Variants in ATP2B1 observed in about 807,000 individuals in gnomAD.
ATP2B1 encodes plasma membrane calcium-transporting ATPase 1.
ATP2B1 carries 14 observed loss-of-function variants against 124.2 expected under a neutral mutation model. The observed-to-expected ratio is 0.11, with a 90% CI of 0.07 to 0.18. The LOEUF (loss-of-function observed/expected upper bound fraction) is 0.18. ATP2B1 is among the 10% of genes least tolerant of loss of function. The probability of loss-of-function intolerance (pLI) is 1.00; values close to 1 mark genes in which losing one functional copy is unlikely to be tolerated. For synonymous variants in ATP2B1, 449 were observed against 492.4 expected, an observed-to-expected ratio of 0.91 and a Z score of 1.17; for missense variants, 763 against 1,466.1, an observed-to-expected ratio of 0.52 and a Z score of 7.83.
intron 1 of ATP2B1, among the ~76,000 whole-genome samples, chr12:89,663,895 T>C (rs985433446): frequency 6.6e-6 from 1 of 152,220 alleles, no homozygotes; most frequent in African/African-American, 2.4e-5. Flanking sequence ...TGTCCTTTTT[T>C]TCGAAGAAGT....
intron 1 of ATP2B1, among the ~76,000 whole-genome samples, chr12:89,692,039 T>C (rs1890611890): frequency 6.6e-6 from 1 of 151,998 alleles, no homozygotes; most frequent in East Asian, 1.9e-4. Context: ...AGGACAAAAA[T>C]AAAAATTAAA....
rs570325226 is a variant in ATP2B1 at position 89,592,201 on chromosome 12, C to T, written c.3352-906G>A. 1.4e-4 allele frequency among the ~76,000 whole-genome samples: 22 copies of T among 152,108 alleles called. No individual in the cohort carries two copies. In the South Asian group the frequency reaches 4.6e-3, roughly 32 times the overall value. On this transcript the variant is annotated intron_variant, in intron 20 of 20. Coordinates refer to ENST00000428670, the MANE Select transcript of ATP2B1 (RefSeq NM_001366521.1). ...ACACACTGACATTAAGTGCTATTAA[C>T]TCAAGCGTCATTCAGATTTAGAAAA...
At chr12:89,673,068 T>C (rs1280937849) in intron 1 of ATP2B1, among the ~76,000 whole-genome samples, 2 of 152,230 alleles carry the variant, frequency 1.3e-5, no homozygotes, top group Non-Finnish European at 2.9e-5. Context: ...ACAAAAACTC[T>C]ATTCCTATTA....
chr12:89,701,112 T>C (rs1432324117), intron 1 of ATP2B1, among the ~76,000 whole-genome samples: 1 of 152,198 alleles, frequency 6.6e-6, no homozygotes, highest in Non-Finnish European at 1.5e-5. Context: ...TATACTCTAA[T>C]ACAGACCATA....
At chr12:89,657,070 C>T (rs1456416233) in intron 1 of ATP2B1, among the ~76,000 whole-genome samples, 2 of 152,144 alleles carry the variant, frequency 1.3e-5, no homozygotes, top group African/African-American at 4.8e-5. Context: ...ATACAATCAC[C>T]TCAAAGTTAA....
chr12:89,684,696 G>C (rs1391461224), intron 1 of ATP2B1, among the ~76,000 whole-genome samples: 1 of 152,082 alleles, frequency 6.6e-6, no homozygotes, highest in Non-Finnish European at 1.5e-5. Context: ...AGGTAATGCA[G>C]AGCTTTATGT....
In ATP2B1 at chr12:89,599,087, A is replaced by ATC. The variant is rs778284136; in HGVS notation, c.3351+28_3351+29dup. 11 of 1,598,862 alleles carry ATC rather than the reference A, an allele frequency of 6.9e-6. No individual in the cohort carries two copies. The African/African-American group carries it at 1.1e-4, about 16-fold the overall frequency. ...AGGTCAAAAAGCCCTGGCTCCCATC[A>ATC]TCTCTCCTACCTCTCTACCAGGCCC... On this transcript the variant is annotated intron_variant, in intron 20 of 20. Coordinates refer to ENST00000428670, the MANE Select transcript of ATP2B1 (RefSeq NM_001366521.1).
chr12:89,688,346 A>G (rs1890184417), intron 1 of ATP2B1, among the ~76,000 whole-genome samples: 1 of 152,156 alleles, frequency 6.6e-6, no homozygotes. Flanking sequence ...AGGTTATAAA[A>G]TATCTGGAGA....
chr12:89,604,022 C>A, intron 16 of ATP2B1, 97 bp from the exon 17 acceptor site: 1 of 1,419,930 alleles, frequency 7.0e-7, no homozygotes, highest in Non-Finnish European at 9.5e-7. Context: ...AGAAACAGAA[C>A]AGGATTATAT....
intron 1 of ATP2B1, among the ~76,000 whole-genome samples, chr12:89,690,281 T>C (rs1222966007): frequency 6.6e-6 from 1 of 152,058 alleles, no homozygotes. Flanking sequence ...ATTTCCTTTA[T>C]ACTCTGGGAT....
chr12:89,593,620 G>C (rs1874012280), intron 20 of ATP2B1: 1 of 152,062 alleles, frequency 6.6e-6, no homozygotes, highest in Non-Finnish European at 1.5e-5. Context: ...ACTTAAGTTA[G>C]AGATTTGAGA....
intron 3 of ATP2B1, among the ~76,000 whole-genome samples, chr12:89,639,632 C>G (rs1354062574): frequency 6.6e-6 from 1 of 150,584 alleles, no homozygotes; most frequent in Admixed American, 6.6e-5. Context: ...CACCATGGAG[C>G]AAAAAAATCT....
At position 89,634,842 on chromosome 12, in the gene ATP2B1, G is replaced by A. The variant is rs1592809260; in HGVS notation, c.723C>T (p.Ser241=). 1 of 1,612,880 alleles carries A rather than the reference G, an allele frequency of 6.2e-7. No homozygotes were observed. The highest frequency in any genetic ancestry group is 8.5e-7 in the Non-Finnish European group (1 of 1,179,340). ...IQGNDLKIDE[S]SLTGESDHVK... ...CATGATCTGATTCACCAGTCAATGA[G>A]CTTTCATCAATTTTAAGATCGTTGC... The change falls in exon 5 of 21, where the codon AGC becomes AGT. Residue 241 remains serine (S), a synonymous_variant. Transcript: ENST00000428670.
chr12:89,630,667 G>GT (rs765648138), intron 5 of ATP2B1, 22 bp from the exon 6 acceptor site: 17 of 1,427,254 alleles, frequency 1.2e-5, no homozygotes, highest in Non-Finnish European at 1.6e-5. Flanking sequence ...AACATAGTTT[G>GT]TTTTTAAAAA....
At chr12:89,649,157 A>C (rs1380727492) in intron 2 of ATP2B1, among the ~76,000 whole-genome samples, 1 of 152,242 alleles carries the variant, frequency 6.6e-6, no homozygotes, top group South Asian at 2.1e-4. Context: ...TCCCCCCACT[A>C]GGGCACTGCT....
At chr12:89,643,629 A>G (rs1883997657) in intron 2 of ATP2B1, among the ~76,000 whole-genome samples, 1 of 152,228 alleles carries the variant, frequency 6.6e-6, no homozygotes, top group African/African-American at 2.4e-5. Context: ...ATGAACATCC[A>G]TTTTGCCATT....
chr12:89,705,973 T>G (rs2136914056), intron 1 of ATP2B1, among the ~76,000 whole-genome samples: 1 of 152,316 alleles, frequency 6.6e-6, no homozygotes, highest in Middle Eastern at 3.4e-3. Context: ...ATCCACATCT[T>G]AATTCATTAC....
intron 15 of ATP2B1, among the ~76,000 whole-genome samples, chr12:89,605,957 C>A (rs1156794963): frequency 6.6e-6 from 1 of 151,560 alleles, no homozygotes; most frequent in Non-Finnish European, 1.5e-5. Context: ...AAAACTAAGC[C>A]AAAAAAATTC....
chr12:89,628,396 C>T (rs1259815251), intron 6 of ATP2B1, among the ~76,000 whole-genome samples: 1 of 94,248 alleles, frequency 1.1e-5, no homozygotes, highest in South Asian at 4.3e-4. Flanking sequence ...AGTGAGACTC[C>T]GTCTCAAAAA....
Sources: gnomAD v4.1 joint callset for allele counts (sites outside exome capture counted in the v4.1 genomes callset) on GRCh38, gnomAD v4.1.1 for gene constraint, MANE v1.5 for transcripts, NCBI Gene and HGNC (gene_info 2026-07-23, HGNC 2026-07-21) for gene names.